RAB17: variants seen among roughly 807,000 people sequenced by gnomAD.
The protein encoded by RAB17 is RAB17, member RAS oncogene family, also known as ras-related protein Rab-17.
Under a neutral mutation model 19.3 loss-of-function variants are expected in RAB17, and 15 were observed. That is an observed-to-expected ratio of 0.78 (90% CI 0.52 to 1.20). The LOEUF is 1.20. RAB17 is among the 50% of genes most tolerant of loss of function. The probability of loss-of-function intolerance (pLI) is 0.00; values close to 1 mark genes in which losing one functional copy is unlikely to be tolerated. For missense variants in RAB17, 262 were observed against 269.3 expected (o/e 0.97, Z 0.19); for synonymous variants, 110 against 112.8 (o/e 0.97, Z 0.16).
At chr2:237,581,816 C>G (rs1031479571) in intron 2 of RAB17, among the ~76,000 whole-genome samples, 1 of 152,234 alleles carries the variant, frequency 6.6e-6, no homozygotes, top group Non-Finnish European at 1.5e-5. Context: ...GTCACCGTCC[C>G]CTTCCTGGAA....
At chr2:237,582,096 C>G (rs963364064) in intron 2 of RAB17, among the ~76,000 whole-genome samples, 1 of 150,284 alleles carries the variant, frequency 6.7e-6, no homozygotes, top group Non-Finnish European at 1.5e-5. Context: ...TCCCGTCCCT[C>G]GGACTCCCGT....
intron 4 of RAB17, among the ~76,000 whole-genome samples, chr2:237,576,096 T>C (rs553401164): frequency 5.9e-5 from 9 of 152,272 alleles, no homozygotes; most frequent in Admixed American, 4.6e-4. Context: ...AAGAGGAGCC[T>C]GTGGTGGATC....
intron 2 of RAB17, among the ~76,000 whole-genome samples, chr2:237,582,241 C>T (rs1189654449): frequency 6.6e-6 from 1 of 152,248 alleles, no homozygotes; most frequent in African/African-American, 2.4e-5. Flanking sequence ...TTGCCAGGAG[C>T]TGAGCCCACC....
intron 1 of RAB17, among the ~76,000 whole-genome samples, chr2:237,588,287 G>T (rs750662676): frequency 6.6e-6 from 1 of 152,304 alleles, no homozygotes; most frequent in Middle Eastern, 3.4e-3. Flanking sequence ...TCCACTGTGG[G>T]ATGACACAGC....
At chr2:237,578,372 C>T in intron 2 of RAB17, 1 of 490,120 alleles carries the variant, frequency 2.0e-6, no homozygotes, top group South Asian at 3.6e-5. Context: ...TGCTATGGGG[C>T]CTTTGGAGAG....
intron 2 of RAB17, chr2:237,578,940 C>CACAA (rs1383815069): frequency 5.4e-5 from 8 of 148,250 alleles, no homozygotes; most frequent in African/African-American, 1.8e-4. Context: ...CACACACACA[C>CACAA]AACTACTCCC....
Position 237,586,079 on chromosome 2 carries a change from C to A in RAB17, c.76G>T (p.Gly26Ter). The change falls in exon 2 of 6, where the codon GGA becomes TGA. Residue 26 changes from glycine to a stop codon, truncating the protein, a stop_gained. Coordinates refer to ENST00000264601, the MANE Select transcript of RAB17 (RefSeq NM_022449.4). LOFTEE classifies it high-confidence loss of function. ...CTGGACTTACCCACGGAGCCACTTC[C>A]CAGGAGAACCAGCTTGAACACACGG... ...QPRVFKLVLL[G>*]SGSVGKSSLA... The A allele has an allele frequency of 2.5e-6, 4 of 1,613,662 alleles. No individual in the cohort carries two copies. The highest frequency in any genetic ancestry group is 3.4e-6 in the Non-Finnish European group (4 of 1,179,800).
Position 237,574,411 on chromosome 2 carries a change from G to A in RAB17, c.*608C>T. On this transcript the variant is annotated 3_prime_UTR_variant, in exon 6 of 6. Transcript: ENST00000264601. ...AGGCGAAATGTCTCAGAATCTTCCTGCTCATTGGACAGAAACTCAGCTTCA... is the reference window on the plus strand; with the variant it reads ...AGGCGAAATGTCTCAGAATCTTCCTACTCATTGGACAGAAACTCAGCTTCA... 2 of 1,544,240 alleles carry A rather than the reference G, an allele frequency of 1.3e-6. No individual in the cohort carries two copies. Among genetic ancestry groups the A allele is most frequent in the Non-Finnish European group, 1.7e-6 (2 of 1,143,168 alleles).
chr2:237,577,319 C>T lies in RAB17; in HGVS notation c.373G>A (p.Val125Ile). The part of the protein sequence containing the change: ...DLEEELHPGE[V>I]LVMLVGNKTD... Reference sequence around the variant, plus strand: ...TTGTTGCCCACCAGCATCACCAGGACTTCTCCTGGGTGCAGCTCCTCCTCC... The same window carrying T: ...TTGTTGCCCACCAGCATCACCAGGATTTCTCCTGGGTGCAGCTCCTCCTCC... Residue 125 changes from valine (V) to isoleucine (I), a missense_variant, in exon 4 of 6, where the codon GTC (valine) becomes ATC (isoleucine). Val to Ile is a conservative substitution (Grantham distance 29, BLOSUM62 3). Coordinates refer to ENST00000264601, the MANE Select transcript of RAB17 (RefSeq NM_022449.4). 6.2e-7 allele frequency: 1 copy of T among 1,613,958 alleles called. No individual in the cohort carries two copies. Among genetic ancestry groups the T allele is most frequent in the Admixed American group, 1.7e-5 (1 of 60,030 alleles).
chr2:237,581,974 G>A (rs1333531339), intron 2 of RAB17, among the ~76,000 whole-genome samples: 2 of 152,272 alleles, frequency 1.3e-5, no homozygotes, highest in Admixed American at 6.5e-5. Flanking sequence ...GACAGTGGGG[G>A]CAGTCCATGG....
intron 2 of RAB17, among the ~76,000 whole-genome samples, chr2:237,584,727 CTGG>C: frequency 6.6e-6 from 1 of 152,204 alleles, no homozygotes; most frequent in Non-Finnish European, 1.5e-5. Context: ...ACATCCAGGC[CTGG>C]TGAGGCCCCC....
At chr2:237,575,238 C>A (rs1406162154) in intron 5 of RAB17, 110 bp from the exon 6 acceptor site, 8 of 1,082,754 alleles carry the variant, frequency 7.4e-6, no homozygotes, top group Non-Finnish European at 1.1e-5. Context: ...TACCCTGAAC[C>A]ATAGAACAAG....
chr2:237,577,685 G>C (rs940931677), intron 3 of RAB17: 1 of 471,172 alleles, frequency 2.1e-6, no homozygotes, highest in African/African-American at 1.9e-5. Flanking sequence ...AATCTCCCAC[G>C]CCTAGCTGTC....
Position 237,586,110 on chromosome 2 carries a change from G to A in RAB17, c.45C>T (p.Ser15=), listed in dbSNP as rs748835436. Residue 15 remains serine, a synonymous_variant, in exon 2 of 6, where the codon AGC becomes AGT. Coordinates refer to ENST00000264601, the MANE Select transcript of RAB17 (RefSeq NM_022449.4). ...HRTPQPRAAP[S]QPRVFKLVLL... is the part of the protein sequence containing the mutation. Reference sequence around the variant, plus strand: ...GAACCAGCTTGAACACACGGGGCTGGCTGGGGGCAGCCCTGGGCTGGGGGG... The same window carrying A: ...GAACCAGCTTGAACACACGGGGCTGACTGGGGGCAGCCCTGGGCTGGGGGG... 1.2e-6 allele frequency: 2 copies of A among 1,611,872 alleles called. No homozygotes were observed. The highest frequency in any genetic ancestry group is 4.5e-5 in the East Asian group (2 of 44,712).
Position 237,585,921 on chromosome 2 carries a change from C to T in RAB17, c.157+77G>A, listed in dbSNP as rs953518036. 7.6e-6 allele frequency: 11 copies of T among 1,449,842 alleles called. No homozygotes were observed. The Admixed American group carries it at 2.3e-4, about 30-fold the overall frequency. The allele number at this position is 1,449,842 out of a possible 1,614,324, so 89.8% of individuals were successfully genotyped here. On this transcript the variant is annotated intron_variant, in intron 2 of 5. Coordinates refer to ENST00000264601, the MANE Select transcript of RAB17 (RefSeq NM_022449.4). Reference sequence around the variant, plus strand: ...GGGATTCCTAGGTGGGCCTCGTCCCCATCTGCCCCAGGTGTGGGTCAGCAG... The same window carrying T: ...GGGATTCCTAGGTGGGCCTCGTCCCTATCTGCCCCAGGTGTGGGTCAGCAG...
At chr2:237,589,123 G>A (rs1238659846) in intron 1 of RAB17, among the ~76,000 whole-genome samples, 3 of 151,738 alleles carry the variant, frequency 2.0e-5, no homozygotes, top group African/African-American at 4.9e-5. Flanking sequence ...GGGAGGCTGA[G>A]GCAGGAAAAT....
In RAB17 at chr2:237,578,121, G is replaced by A; in HGVS notation, c.192C>T (p.Ala64=). The part of the protein sequence containing the change: ...AFFTKVVDVG[A]TSLKLEIWDT... ...CCCAGATCTCAAGCTTCAGAGAGGT[G>A]GCACCCACATCCACCACCTTTGTGA... Residue 64 remains alanine (A), a synonymous_variant, in exon 3 of 6, where the codon GCC becomes GCT. Coordinates refer to ENST00000264601, the MANE Select transcript of RAB17 (RefSeq NM_022449.4). 6.2e-7 allele frequency: 1 copy of A among 1,613,664 alleles called. No homozygotes were observed. Among genetic ancestry groups the A allele is most frequent in the East Asian group, 2.2e-5 (1 of 44,868 alleles).
chr2:237,580,704 A>T (rs1263463135), intron 2 of RAB17, among the ~76,000 whole-genome samples: 1 of 148,730 alleles, frequency 6.7e-6, no homozygotes, highest in Non-Finnish European at 1.5e-5. Flanking sequence ...GTGCCACTGC[A>T]CTCCAGCCTG....
At chr2:237,578,883 C>T (rs1373748850) in intron 2 of RAB17, 1 of 149,466 alleles carries the variant, frequency 6.7e-6, no homozygotes, top group Non-Finnish European at 1.5e-5. Flanking sequence ...TTGTCTTACT[C>T]AGCCATGTAC....
Sources: gnomAD v4.1 joint callset for allele counts (sites outside exome capture counted in the v4.1 genomes callset) on GRCh38, gnomAD v4.1.1 for gene constraint, MANE v1.5 for transcripts, NCBI Gene and HGNC (gene_info 2026-07-23, HGNC 2026-07-21) for gene names.